The following TMEM132C variants were observed in gnomAD, a reference collection of about 807,000 sequenced individuals.
TMEM132C encodes the protein protein phosphatase 1, regulatory subunit 152.
In TMEM132C, 29 loss-of-function variants were observed where a neutral mutation model predicts 61.4. The observed-to-expected ratio is 0.47, with a 90% CI of 0.35 to 0.64. TMEM132C has a LOEUF of 0.64. TMEM132C is among the 30% of genes least tolerant of loss of function. The pLI is 0.00. For missense variants in TMEM132C, 1,408 were observed against 1,476.9 expected, an observed-to-expected ratio of 0.95 and a Z score of 0.76; for synonymous variants, 656 against 633.1, an observed-to-expected ratio of 1.04 and a Z score of -0.54.
intron 2 of TMEM132C, among the ~76,000 whole-genome samples, chr12:128,469,859 C>T (rs1291860328): frequency 1.3e-5 from 2 of 151,620 alleles, no homozygotes; most frequent in African/African-American, 4.9e-5. Flanking sequence ...TGTGTATATA[C>T]ACACACCCAC....
chr12:128,597,401 C>T (rs1179078484), intron 3 of TMEM132C, among the ~76,000 whole-genome samples: 1 of 151,976 alleles, frequency 6.6e-6, no homozygotes, highest in Non-Finnish European at 1.5e-5. Context: ...TCACTTGAAC[C>T]TGGGAGGTGG....
intron 4 of TMEM132C, among the ~76,000 whole-genome samples, chr12:128,634,925 A>G (rs1954090543): frequency 6.6e-6 from 1 of 152,202 alleles, no homozygotes; most frequent in African/African-American, 2.4e-5. Context: ...GGCTGGATTT[A>G]TTAGGAAATG....
At chr12:128,476,421 A>T (rs1871157875) in intron 2 of TMEM132C, among the ~76,000 whole-genome samples, 1 of 152,126 alleles carries the variant, frequency 6.6e-6, no homozygotes, top group Non-Finnish European at 1.5e-5. Context: ...TGACTCCGGG[A>T]GGTTGTAATG....
intron 2 of TMEM132C, among the ~76,000 whole-genome samples, chr12:128,501,458 G>T (rs1489070684): frequency 2.0e-5 from 3 of 152,174 alleles, no homozygotes; most frequent in Non-Finnish European, 4.4e-5. Context: ...CTAAGTGAGT[G>T]GTGCAGGGTT....
intron 3 of TMEM132C, among the ~76,000 whole-genome samples, chr12:128,594,683 G>A (rs1219024611): frequency 6.6e-6 from 1 of 152,170 alleles, no homozygotes; most frequent in Non-Finnish European, 1.5e-5. Context: ...CAACAAGGAT[G>A]ATGTTTTCCA....
At chr12:128,665,582 C>T (rs1413453089) in intron 4 of TMEM132C, among the ~76,000 whole-genome samples, 1 of 149,932 alleles carries the variant, frequency 6.7e-6, no homozygotes, top group African/African-American at 2.5e-5. Context: ...GGCATATGCA[C>T]CCATATGCAC....
At chr12:128,481,282 A>G (rs1871308416) in intron 2 of TMEM132C, among the ~76,000 whole-genome samples, 1 of 152,126 alleles carries the variant, frequency 6.6e-6, no homozygotes, top group Non-Finnish European at 1.5e-5. Flanking sequence ...CCTTTCAACA[A>G]CCTTAACGAT....
At chr12:128,687,550 C>CA (rs1954687245) in intron 5 of TMEM132C, among the ~76,000 whole-genome samples, 1 of 152,098 alleles carries the variant, frequency 6.6e-6, no homozygotes, top group South Asian at 2.1e-4. Context: ...AGCCTTCAGG[C>CA]AAAGAGAACA....
intron 3 of TMEM132C, among the ~76,000 whole-genome samples, chr12:128,560,851 C>A (rs1188837412): frequency 6.6e-6 from 1 of 152,108 alleles, no homozygotes; most frequent in East Asian, 1.9e-4. Flanking sequence ...TCAGAGAGCC[C>A]TCGTGTTGAG....
At chr12:128,591,080 C>T (rs752841466) in intron 3 of TMEM132C, among the ~76,000 whole-genome samples, 9 of 152,148 alleles carry the variant, frequency 5.9e-5, no homozygotes, top group East Asian at 3.9e-4. Flanking sequence ...ACTGCAGCCA[C>T]GCTTTATTGT....
intron 1 of TMEM132C, among the ~76,000 whole-genome samples, chr12:128,380,634 G>C (rs1221416661): frequency 6.6e-6 from 1 of 152,134 alleles, no homozygotes; most frequent in Admixed American, 6.5e-5. Flanking sequence ...TATAAGCCAG[G>C]CATGGTGGCT....
intron 1 of TMEM132C, among the ~76,000 whole-genome samples, chr12:128,412,617 G>A (rs907862021): frequency 1.3e-5 from 2 of 152,112 alleles, no homozygotes; most frequent in Non-Finnish European, 1.5e-5. Context: ...GCACAAGCTC[G>A]CTTGCCTGCC....
chr12:128,364,599 A>G (rs191212919), intron 1 of TMEM132C, among the ~76,000 whole-genome samples: 53 of 152,192 alleles, frequency 3.5e-4, no homozygotes, highest in Non-Finnish European at 7.1e-4. Context: ...TCTGTCCCTA[A>G]ATATTTCCAT....
chr12:128,414,268 C>G (rs1231835098), intron 1 of TMEM132C, among the ~76,000 whole-genome samples: 1 of 152,034 alleles, frequency 6.6e-6, no homozygotes, highest in Non-Finnish European at 1.5e-5. Context: ...CTATGTTTAC[C>G]TCAGGATTTG....
chr12:128,382,895 T>C (rs141696802), intron 1 of TMEM132C, among the ~76,000 whole-genome samples: 1 of 152,176 alleles, frequency 6.6e-6, no homozygotes, highest in East Asian at 1.9e-4. Flanking sequence ...GTACCATATA[T>C]GTATCTGTGT....
At chr12:128,425,748 C>A (rs1040950971) in intron 2 of TMEM132C, among the ~76,000 whole-genome samples, 1 of 152,210 alleles carries the variant, frequency 6.6e-6, no homozygotes, top group Non-Finnish European at 1.5e-5. Context: ...ATCTCTCCAA[C>A]GCCTGCCCCT....
Position 128,462,929 on chromosome 12 carries a change from C to CT in TMEM132C, c.974+47310dup, listed in dbSNP as rs568719623. ...TTGTTTTTCTCATAGATCAATACAC[C>CT]TGGAGGTATGTAGCCCCAGCTGAAC... On this transcript the variant is annotated intron_variant, in intron 2 of 8. Transcript: ENST00000435159. Among the ~76,000 whole-genome samples, 87 of 152,232 alleles carry CT rather than the reference C, an allele frequency of 5.7e-4. 2 individuals carry two copies. The South Asian group carries it at 0.017, about 30-fold the overall frequency.
intron 2 of TMEM132C, among the ~76,000 whole-genome samples, chr12:128,508,011 C>T (rs1872434349): frequency 6.6e-6 from 1 of 152,112 alleles, no homozygotes; most frequent in Admixed American, 6.5e-5. Context: ...TGTGGCTGTA[C>T]TAACTCTGAT....
intron 1 of TMEM132C, among the ~76,000 whole-genome samples, chr12:128,298,816 G>A (rs1471918975): frequency 6.6e-6 from 1 of 152,228 alleles, no homozygotes; most frequent in East Asian, 1.9e-4. Context: ...GTGGACCAAG[G>A]TCGCTGGTAG....
Sources: allele counts gnomAD v4.1 joint callset (sites outside exome capture counted in the v4.1 genomes callset), GRCh38; gene constraint gnomAD v4.1.1; transcripts MANE v1.5; gene names NCBI Gene and HGNC (gene_info 2026-07-23, HGNC 2026-07-21).